The following UMOD variants were observed in gnomAD, a reference collection of about 807,000 sequenced individuals.
The protein encoded by UMOD is uromodulin.
Under a neutral mutation model 66.0 loss-of-function variants are expected in UMOD, and 64 were observed. The ratio of observed to expected loss-of-function variants is 0.97; its 90% CI spans 0.79 to 1.19. The LOEUF (loss-of-function observed/expected upper bound fraction) is 1.19. Among genes scored for constraint, UMOD ranks in the 50% most tolerant of loss-of-function variants. The pLI, the probability that UMOD is intolerant of heterozygous loss-of-function variation, is 0.00. For synonymous variants in UMOD, 398 were observed against 352.7 expected (o/e 1.13, Z -1.44); for missense variants, 764 against 850.9 (o/e 0.90, Z 1.27).
chr16:20,334,688 C>G (rs548386240), intron 10 of UMOD, among the ~76,000 whole-genome samples: 2 of 152,144 alleles, frequency 1.3e-5, no homozygotes, highest in South Asian at 4.2e-4. Flanking sequence ...CTTCAGAGCT[C>G]AAGCCCAGCC....
At chr16:20,345,083 G>A (rs931756229) in intron 5 of UMOD, among the ~76,000 whole-genome samples, 3 of 152,102 alleles carry the variant, frequency 2.0e-5, no homozygotes, top group Non-Finnish European at 2.9e-5. Flanking sequence ...GTGCAATCTC[G>A]GCTCACTGCA....
chr16:20,345,490 CCCTCCCTCCCTCCCTT>C (rs1314653478), intron 5 of UMOD, among the ~76,000 whole-genome samples: 2,949 of 48,680 alleles, frequency 0.061, 116 homozygotes, highest in African/African-American at 0.16. Context: ...TTCCCTCCCT[CCCTCCCTCCCTCCCTT>C]CCTTCCTTCC....
In UMOD at chr16:20,337,457, G is replaced by C; in HGVS notation, c.1578-4C>G. 1 of 1,614,126 alleles carries C rather than the reference G, an allele frequency of 6.2e-7. No individual in the cohort carries two copies. Among genetic ancestry groups the C allele is most frequent in the Non-Finnish European group, 8.5e-7 (1 of 1,180,016 alleles). On this transcript the variant is annotated splice_polypyrimidine_tract_variant and splice_region_variant and intron_variant, in intron 7 of 10. Coordinates refer to ENST00000396138, the MANE Select transcript of UMOD (RefSeq NM_003361.4). Reference sequence around the variant, plus strand: ...TGAGTCTCTAGTGTGTGGGCATCTGGGAGGGTTACACATCATTTAATGTGG... The same window carrying C: ...TGAGTCTCTAGTGTGTGGGCATCTGCGAGGGTTACACATCATTTAATGTGG...
Position 20,349,067 on chromosome 16 carries a change from G to T in UMOD, c.234C>A (p.Ser78=). The T allele has an allele frequency of 6.2e-7, 1 of 1,609,996 alleles. No individual in the cohort carries two copies. The highest frequency in any genetic ancestry group is 8.5e-7 in the Non-Finnish European group (1 of 1,178,236). The change falls in exon 3 of 11, where the codon TCC becomes TCA. Residue 78 remains serine (S), a synonymous_variant. Coordinates refer to ENST00000396138, the MANE Select transcript of UMOD (RefSeq NM_003361.4). ...GCGTGTTTACGCAGCTGCTGTTGGC[G>T]GAGCAGTTGTGAGCTCCAGGAATGG... ...ECAIPGAHNC[S]ANSSCVNTPG...
chr16:20,336,484 G>A (rs945318601), intron 9 of UMOD, among the ~76,000 whole-genome samples, 162 bp downstream of exon 9: 3 of 152,218 alleles, frequency 2.0e-5, no homozygotes, highest in African/African-American at 7.2e-5. Context: ...AATGGGAATA[G>A]TGAAAGGAAG....
At chr16:20,345,828 T>A (rs1179008935) in intron 5 of UMOD, among the ~76,000 whole-genome samples, 1 of 152,130 alleles carries the variant, frequency 6.6e-6, no homozygotes, top group Non-Finnish European at 1.5e-5. Flanking sequence ...ATGGCCCTAC[T>A]TTTCCCATCT....
In UMOD at chr16:20,344,192, T is replaced by TGGTGGGGGGGG; in HGVS notation, c.1183-21_1183-20insCCCCCCCCACC. 1 of 555,034 alleles carries TGGTGGGGGGGG rather than the reference T, an allele frequency of 1.8e-6. No individual in the cohort carries two copies. The highest frequency in any genetic ancestry group is 3.1e-5 in the African/African-American group (1 of 32,674). The allele number at this position is 555,034 out of a possible 1,614,324, so 34.4% of individuals were successfully genotyped here. A position where few individuals can be genotyped will look rare whatever the true frequency, so the allele number is the denominator to read the frequency against. ...ATTCCTCTGTTGCAGGGAATGGGGGTGGAGGGGGGGTGGGGATGAGAGAAA... is the reference window on the plus strand; with the variant it reads ...ATTCCTCTGTTGCAGGGAATGGGGGTGGTGGGGGGGGGGAGGGGGGGTGGGGATGAGAGAAA... On this transcript the variant is annotated intron_variant, in intron 5 of 10. Transcript: ENST00000396138.
At chr16:20,349,795 C>G in intron 2 of UMOD, 1 of 1,550,008 alleles carries the variant, frequency 6.5e-7, no homozygotes, top group Non-Finnish European at 8.7e-7. Context: ...AAATCTTCAT[C>G]AGGACCCTGC....
At chr16:20,343,515 C>A (rs984485172) in intron 6 of UMOD, among the ~76,000 whole-genome samples, 1 of 152,202 alleles carries the variant, frequency 6.6e-6, no homozygotes, top group Non-Finnish European at 1.5e-5. Flanking sequence ...AACCACCCTG[C>A]CTCTTTGAAA....
At chr16:20,341,677 T>A (rs1053108793) in intron 6 of UMOD, among the ~76,000 whole-genome samples, 2 of 152,096 alleles carry the variant, frequency 1.3e-5, no homozygotes, top group Admixed American at 1.3e-4. Flanking sequence ...TGCTATAGGC[T>A]TTGCTACCCC....
chr16:20,335,560 A>G (rs1274361733), intron 9 of UMOD, 40 bp from the exon 10 acceptor site: 1 of 1,603,090 alleles, frequency 6.2e-7, no homozygotes, highest in Middle Eastern at 1.7e-4. Flanking sequence ...TAAAGAATGC[A>G]TGAGATTTGG....
At chr16:20,345,330 T>TTTTCTTTC (rs10656659) in intron 5 of UMOD, among the ~76,000 whole-genome samples, 133 of 150,900 alleles carry the variant, frequency 8.8e-4, no homozygotes, top group South Asian at 4.0e-3. Flanking sequence ...AAATCTTTCT[T>TTTTCTTTC]TTTCTTTCTT....
chr16:20,350,739 C>A lies in UMOD; in HGVS notation c.-2G>T. ...CCAAGTCAGAGATGGCTGCCCCATC[C>A]TTTCTGCTCTTCCCGCTACTTCAGG... On this transcript the variant is annotated 5_prime_UTR_variant, in exon 2 of 11. In the 5' UTR this introduces an upstream ATG that the reference lacks. Transcript: ENST00000396138. 6.2e-7 allele frequency: 1 copy of A among 1,614,192 alleles called. No homozygotes were observed. Among genetic ancestry groups the A allele is most frequent in the Non-Finnish European group, 8.5e-7 (1 of 1,180,028 alleles).
chr16:20,345,096 C>A (rs1388319468), intron 5 of UMOD, among the ~76,000 whole-genome samples: 1 of 152,220 alleles, frequency 6.6e-6, no homozygotes, highest in Non-Finnish European at 1.5e-5. Context: ...TCACTGCAAC[C>A]TCTGCTTCCT....
At chr16:20,338,926 A>T (rs764705423) in intron 7 of UMOD, among the ~76,000 whole-genome samples, 3 of 151,956 alleles carry the variant, frequency 2.0e-5, no homozygotes, top group East Asian at 3.9e-4. Context: ...TGCCTGTCTA[A>T]TTTTTTTGTA....
In UMOD at chr16:20,347,367, T is replaced by C. The variant is rs1175760783; in HGVS notation, c.973+856A>G. Among the ~76,000 whole-genome samples the C allele has an allele frequency of 2.0e-5, 3 of 152,166 alleles. No individual in the cohort carries two copies. In the East Asian group the frequency reaches 5.8e-4, roughly 29 times the overall value. On this transcript the variant is annotated intron_variant, in intron 4 of 10. Coordinates refer to ENST00000396138, the MANE Select transcript of UMOD (RefSeq NM_003361.4). ...CAGAGAGCAGGCCTCGGGCTGAGAG[T>C]TTGGGGCAGGAAACAACATCCAGCC...
At position 20,337,337 on chromosome 16, in the gene UMOD, T is replaced by C. The variant is rs1022490065; in HGVS notation, c.1694A>G (p.His565Arg). 29 of 1,614,108 alleles carry C rather than the reference T, an allele frequency of 1.8e-5. No individual in the cohort carries two copies. Among genetic ancestry groups the C allele is most frequent in the Non-Finnish European group, 2.3e-5 (27 of 1,180,056 alleles). The change falls in exon 8 of 11, where the codon CAC becomes CGC. Residue 565 changes from histidine to arginine, a missense_variant. His to Arg is a conservative substitution (Grantham distance 29). Transcript: ENST00000396138. ...FAGNYDLVYL[H>R]CEVYLCDTMN... ...GGTGTCACAGAGATAGACTTCACAG[T>C]GCAGGTAGACTAGGTCATAGTTTCC...
At position 20,348,740 on chromosome 16, in the gene UMOD, G is replaced by C. The variant is rs772943401; in HGVS notation, c.561C>G (p.Thr187=). Reference sequence around the variant, plus strand: ...CGCAGGCGTAGCCCTCCCCGTACTCGGTGCTGCGCCAGTACTCGTCCAGGG... The same window carrying C: ...CGCAGGCGTAGCCCTCCCCGTACTCCGTGCTGCGCCAGTACTCGTCCAGGG... ...HRTLDEYWRS[T]EYGEGYACDT... The change falls in exon 3 of 11, where the codon ACC becomes ACG. Residue 187 remains threonine (T), a synonymous_variant. Transcript: ENST00000396138. The C allele has an allele frequency of 5.2e-6, 8 of 1,544,844 alleles. No individual in the cohort carries two copies. In the South Asian group the frequency reaches 8.3e-5, roughly 16 times the overall value.
chr16:20,337,551 G>A (rs961469234), intron 7 of UMOD, 98 bp from the exon 8 acceptor site: 10 of 1,482,388 alleles, frequency 6.7e-6, no homozygotes, highest in Non-Finnish European at 9.3e-6. Context: ...TTTCAGCTGT[G>A]TGACTTTGGG....
Sources: gnomAD v4.1 joint callset for allele counts (sites outside exome capture counted in the v4.1 genomes callset) on GRCh38, gnomAD v4.1.1 for gene constraint, MANE v1.5 for transcripts, NCBI Gene and HGNC (gene_info 2026-07-23, HGNC 2026-07-21) for gene names.